Variants in RHOBTB3 observed in about 807,000 individuals in gnomAD.
The protein encoded by RHOBTB3 is rho-related BTB domain-containing protein 3.
Under a neutral mutation model 67.2 loss-of-function variants are expected in RHOBTB3, and 47 were observed. The ratio of observed to expected loss-of-function variants is 0.70; its 90% CI spans 0.55 to 0.89. The LOEUF (loss-of-function observed/expected upper bound fraction) is 0.89, where lower values mean the gene tolerates loss of function less well. RHOBTB3 is among the 40% of genes least tolerant of loss of function. RHOBTB3 has a pLI of 0.00. For synonymous variants in RHOBTB3, 273 were observed against 274.2 expected, an observed-to-expected ratio of 1.00 and a Z score of 0.04; for missense variants, 631 against 750.0, an observed-to-expected ratio of 0.84 and a Z score of 1.85.
At chr5:95,769,712 A>G (rs1166455091) in intron 8 of RHOBTB3, 2 of 176,878 alleles carry the variant, frequency 1.1e-5, no homozygotes, top group Non-Finnish European at 2.4e-5. Context: ...AAATTTTTGC[A>G]TAACTTATTG....
intron 3 of RHOBTB3, among the ~76,000 whole-genome samples, chr5:95,743,967 C>T (rs1755677023): frequency 6.6e-6 from 1 of 151,682 alleles, no homozygotes; most frequent in South Asian, 2.1e-4. Flanking sequence ...CCTCAGCCTC[C>T]CAAAGTGCTG....
chr5:95,728,704 G>A (rs1580386420), upstream of RHOBTB3, among the ~76,000 whole-genome samples: 1 of 152,268 alleles, frequency 6.6e-6, no homozygotes, highest in South Asian at 2.1e-4. Flanking sequence ...AGTAGAGGCT[G>A]GGTACACTAA....
chr5:95,776,609 A>C (rs1245501474), intron 8 of RHOBTB3, among the ~76,000 whole-genome samples: 1 of 152,152 alleles, frequency 6.6e-6, no homozygotes, highest in Non-Finnish European at 1.5e-5. Flanking sequence ...GAATCTATGG[A>C]ACAATTTAGA....
intron 8 of RHOBTB3, chr5:95,769,661 A>C (rs1459380830): frequency 6.0e-6 from 1 of 167,756 alleles, no homozygotes; most frequent in Non-Finnish European, 1.3e-5. Context: ...TAATACATCA[A>C]AATTTTTGCA....
At chr5:95,738,354 A>G (rs1755508325) in intron 3 of RHOBTB3, among the ~76,000 whole-genome samples, 1 of 152,070 alleles carries the variant, frequency 6.6e-6, no homozygotes, top group South Asian at 2.1e-4. Context: ...TCTGACTTTG[A>G]CTTTCACAAG....
At chr5:95,731,812 G>A (rs1284377403) in intron 1 of RHOBTB3, 47 bp from the exon 2 acceptor site, 4 of 1,600,926 alleles carry the variant, frequency 2.5e-6, no homozygotes, top group Admixed American at 3.4e-5. Flanking sequence ...AGAGACCCGC[G>A]CGCTGACCGT....
chr5:95,775,161 C>G (rs1745830716), intron 8 of RHOBTB3, among the ~76,000 whole-genome samples: 1 of 152,006 alleles, frequency 6.6e-6, no homozygotes, highest in Non-Finnish European at 1.5e-5. Context: ...AAATTGCATT[C>G]TCTCATGTAT....
intron 11 of RHOBTB3, chr5:95,789,450 G>A (rs1431791869): frequency 6.6e-6 from 1 of 152,270 alleles, no homozygotes; most frequent in Non-Finnish European, 1.5e-5. Flanking sequence ...GTGAACTACT[G>A]AGTACTGCAT....
rs922934590 is a variant in RHOBTB3 at position 95,731,951 on chromosome 5, G to A, written c.95G>A (p.Ser32Asn). Residue 32 changes from serine (S) to asparagine (N), a missense_variant, in exon 2 of 12, where the codon AGC becomes AAC. Ser to Asn is a conservative substitution (Grantham distance 46). Coordinates refer to ENST00000379982, the MANE Select transcript of RHOBTB3 (RefSeq NM_014899.4). ...CTTATCCGCACTTACCTGGGGAGAA[G>A]CCCTCTGGTCTCCGGGGACGAGAGC... ...SGLIRTYLGR[S>N]PLVSGDESSL... is the part of the protein sequence containing the mutation. 2 of 1,614,156 alleles carry A rather than the reference G, an allele frequency of 1.2e-6. No individual in the cohort carries two copies. Among genetic ancestry groups the A allele is most frequent in the Non-Finnish European group, 1.7e-6 (2 of 1,180,030 alleles).
rs553116989 is a variant in RHOBTB3 at position 95,791,752 on chromosome 5, G to A, written c.1721-1307G>A. Among the ~76,000 whole-genome samples, 11 of 151,514 alleles carry A rather than the reference G, an allele frequency of 7.3e-5. No individual in the cohort carries two copies. The South Asian group carries it at 1.9e-3, about 26-fold the overall frequency. On this transcript the variant is annotated intron_variant, in intron 11 of 11. Coordinates refer to ENST00000379982, the MANE Select transcript of RHOBTB3 (RefSeq NM_014899.4). ...GTAGAGACGGGGTTTTGCCATGTTG[G>A]CCAGGCTGGTGTCAAACTCCTGACC...
At chr5:95,768,468 A>G (rs1745613025) in intron 8 of RHOBTB3, among the ~76,000 whole-genome samples, 1 of 151,968 alleles carries the variant, frequency 6.6e-6, no homozygotes, top group South Asian at 2.1e-4. Context: ...TTTTGTGTGT[A>G]TTTCTTTAAG....
chr5:95,765,823 A>G (rs185226827), intron 7 of RHOBTB3, among the ~76,000 whole-genome samples: 4 of 152,074 alleles, frequency 2.6e-5, no homozygotes, highest in Admixed American at 1.3e-4. Context: ...CACCACACCC[A>G]GCTAATGTTT....
At chr5:95,759,145 T>C (rs1425523562) in intron 6 of RHOBTB3, among the ~76,000 whole-genome samples, 1 of 152,236 alleles carries the variant, frequency 6.6e-6, no homozygotes, top group East Asian at 1.9e-4. Flanking sequence ...GAGAGCCTGC[T>C]GAGCTACAGG....
In RHOBTB3 at chr5:95,732,025, G is replaced by C. The variant is rs1755285536; in HGVS notation, c.169G>C (p.Glu57Gln). 1 of 1,614,100 alleles carries C rather than the reference G, an allele frequency of 6.2e-7. No homozygotes were observed. The highest frequency in any genetic ancestry group is 8.5e-7 in the Non-Finnish European group (1 of 1,180,050). ...CACGGTCGCGCGTCCGGTGTTCACC[G>C]AGTATCAGGCCAGTGCGTTTGGGAA... ...ASTVARPVFT[E>Q]YQASAFGNVK... The change falls in exon 2 of 12, where the codon GAG becomes CAG. Residue 57 changes from glutamate to glutamine, a missense_variant. Glu to Gln is a conservative substitution (Grantham distance 29). Transcript: ENST00000379982.
At chr5:95,757,728 G>C (rs1016510961) in intron 6 of RHOBTB3, among the ~76,000 whole-genome samples, 1 of 152,156 alleles carries the variant, frequency 6.6e-6, no homozygotes, top group Non-Finnish European at 1.5e-5. Flanking sequence ...TGAAATATTG[G>C]CTTGGAAAAA....
chr5:95,758,898 A>G (rs1209763381), intron 6 of RHOBTB3, among the ~76,000 whole-genome samples: 1 of 152,252 alleles, frequency 6.6e-6, no homozygotes, highest in African/African-American at 2.4e-5. Flanking sequence ...AGCCAAAACC[A>G]GCAAACTAGG....
intron 8 of RHOBTB3, chr5:95,770,748 G>A: frequency 5.8e-6 from 2 of 345,014 alleles, no homozygotes; most frequent in South Asian, 5.6e-5. Context: ...ACGGTGATAG[G>A]AAGCTCAAGG....
intron 7 of RHOBTB3, among the ~76,000 whole-genome samples, chr5:95,765,399 C>A (rs1007947894): frequency 1.3e-5 from 2 of 152,130 alleles, no homozygotes; most frequent in Non-Finnish European, 2.9e-5. Context: ...CATGGTATTG[C>A]GCTGAATTCC....
chr5:95,770,210 C>G (rs1561451582), intron 8 of RHOBTB3: 1 of 287,724 alleles, frequency 3.5e-6, no homozygotes, highest in South Asian at 4.5e-5. Flanking sequence ...AATGGAGTAG[C>G]TGTGCTGAAG....
Sources: gnomAD v4.1 joint callset for allele counts (sites outside exome capture counted in the v4.1 genomes callset) on GRCh38, gnomAD v4.1.1 for gene constraint, MANE v1.5 for transcripts, NCBI Gene and HGNC (gene_info 2026-07-23, HGNC 2026-07-21) for gene names.